Variants in PTPRD observed in about 807,000 individuals in gnomAD.
The protein encoded by PTPRD is protein tyrosine phosphatase receptor type D.
Under a neutral mutation model 214.5 loss-of-function variants are expected in PTPRD, and 34 were observed. That is an observed-to-expected ratio of 0.16 (90% confidence interval 0.12 to 0.21). The LOEUF is 0.21. Ranked by LOEUF, PTPRD falls within the 10% of genes least tolerant of loss-of-function variation. The probability of loss-of-function intolerance (pLI) is 1.00; values close to 1 mark genes in which losing one functional copy is unlikely to be tolerated. For synonymous variants in PTPRD, 1,128 were observed against 845.7 expected, an observed-to-expected ratio of 1.33 and a Z score of -5.79; for missense variants, 2,545 against 2,398.7, an observed-to-expected ratio of 1.06 and a Z score of -1.27.
At chr9:9,998,127 A>AAAAAAAAT in intron 4 of PTPRD, among the ~76,000 whole-genome samples, 1 of 55,190 alleles carries the variant, frequency 1.8e-5, no homozygotes, top group Middle Eastern at 0.011. Context: ...AAAAAAAAAA[A>AAAAAAAAT]AAATATATAT....
chr9:8,787,749 T>A (rs997943103), intron 11 of PTPRD, among the ~76,000 whole-genome samples: 2 of 152,132 alleles, frequency 1.3e-5, no homozygotes, highest in African/African-American at 4.8e-5. Flanking sequence ...GTCTCATAAC[T>A]ACATCTTTGC....
intron 3 of PTPRD, among the ~76,000 whole-genome samples, chr9:10,304,257 G>A (rs1430320898): frequency 6.6e-6 from 1 of 152,072 alleles, no homozygotes; most frequent in African/African-American, 2.4e-5. Context: ...CTGACGGAAT[G>A]TATCTCAAAA....
At chr9:8,618,069 G>C (rs2154297173) in intron 14 of PTPRD, among the ~76,000 whole-genome samples, 1 of 152,180 alleles carries the variant, frequency 6.6e-6, no homozygotes, top group African/African-American at 2.4e-5. Flanking sequence ...AGAACTGTGA[G>C]GATCTTCTCA....
At chr9:8,987,474 G>A (rs1320573285) in intron 11 of PTPRD, among the ~76,000 whole-genome samples, 1 of 152,128 alleles carries the variant, frequency 6.6e-6, no homozygotes, top group African/African-American at 2.4e-5. Context: ...AAAGACAATA[G>A]GTGGTGGTAA....
At chr9:10,153,884 C>T (rs1333370255) in intron 3 of PTPRD, among the ~76,000 whole-genome samples, 1 of 151,928 alleles carries the variant, frequency 6.6e-6, no homozygotes, top group Admixed American at 6.6e-5. Flanking sequence ...GCCAGTCTAC[C>T]ATTGATGGGC....
chr9:9,585,301 T>A (rs981942257), intron 7 of PTPRD, among the ~76,000 whole-genome samples: 1 of 152,076 alleles, frequency 6.6e-6, no homozygotes, highest in Non-Finnish European at 1.5e-5. Context: ...ATGAATATAT[T>A]TTCGGATCCT....
At chr9:9,943,348 T>C (rs1204038547) in intron 4 of PTPRD, among the ~76,000 whole-genome samples, 1 of 152,144 alleles carries the variant, frequency 6.6e-6, no homozygotes, top group Non-Finnish European at 1.5e-5. Flanking sequence ...TTAAAAGGGC[T>C]ATCATCACTC....
At chr9:9,910,022 T>C (rs2153825872) in intron 5 of PTPRD, among the ~76,000 whole-genome samples, 1 of 152,084 alleles carries the variant, frequency 6.6e-6, no homozygotes, top group East Asian at 1.9e-4. Flanking sequence ...ATGGTAAATA[T>C]ATGGTCTCTG....
intron 8 of PTPRD, among the ~76,000 whole-genome samples, chr9:9,409,492 G>A (rs2141829347): frequency 6.6e-6 from 1 of 152,024 alleles, no homozygotes; most frequent in East Asian, 1.9e-4. Context: ...ACTAATTCAA[G>A]ACCAGTAACA....
chr9:8,934,132 A>G (rs2098972604), intron 11 of PTPRD, among the ~76,000 whole-genome samples: 1 of 151,838 alleles, frequency 6.6e-6, no homozygotes, highest in Non-Finnish European at 1.5e-5. Flanking sequence ...AACTGATAAG[A>G]GAGAAAGAGA....
chr9:9,924,191 T>G (rs73402649), intron 5 of PTPRD, among the ~76,000 whole-genome samples: 2 of 151,942 alleles, frequency 1.3e-5, no homozygotes, highest in East Asian at 3.9e-4. Context: ...TTGGTGCACC[T>G]GTCCTAATTC....
At chr9:8,841,349 A>T (rs78513083) in intron 11 of PTPRD, among the ~76,000 whole-genome samples, 2,711 of 152,322 alleles carry the variant, frequency 0.018, 68 homozygotes, top group South Asian at 0.089. Context: ...TGAAAATGTC[A>T]CCAAGCATAG....
chr9:8,330,471 C>CCATAA (rs1839103093), intron 44 of PTPRD, among the ~76,000 whole-genome samples: 1 of 152,108 alleles, frequency 6.6e-6, no homozygotes, highest in Admixed American at 6.5e-5. Flanking sequence ...AACTAAACTC[C>CCATAA]CATAACGTCT....
intron 3 of PTPRD, among the ~76,000 whole-genome samples, chr9:10,151,143 A>G (rs1161184408): frequency 7.5e-6 from 1 of 133,122 alleles, no homozygotes; most frequent in Non-Finnish European, 1.6e-5. Flanking sequence ...TCACTGTAAC[A>G]TTTGCCTCTG....
chr9:9,331,301 T>C (rs1053773303), intron 9 of PTPRD, among the ~76,000 whole-genome samples: 2 of 152,090 alleles, frequency 1.3e-5, no homozygotes, highest in African/African-American at 4.8e-5. Context: ...TCCACCCCCA[T>C]TTCCAATTTA....
intron 3 of PTPRD, among the ~76,000 whole-genome samples, chr9:10,050,823 G>C (rs2097523289): frequency 6.6e-6 from 1 of 151,852 alleles, no homozygotes; most frequent in Non-Finnish European, 1.5e-5. Flanking sequence ...TGGGTGAGTT[G>C]TGGGTCTCCA....
At chr9:9,440,266 G>A (rs2382012) in intron 8 of PTPRD, among the ~76,000 whole-genome samples, 74,935 of 152,024 alleles carry the variant, frequency 0.49, 18,886 homozygotes, top group African/African-American at 0.58. Flanking sequence ...ATTTGTGTAC[G>A]CACAAGAAAT....
At chr9:10,133,826 T>C (rs2098921324) in intron 3 of PTPRD, among the ~76,000 whole-genome samples, 1 of 152,192 alleles carries the variant, frequency 6.6e-6, no homozygotes, top group South Asian at 2.1e-4. Flanking sequence ...GGAAAGATAG[T>C]ACTTGCATAA....
intron 2 of PTPRD, among the ~76,000 whole-genome samples, chr9:10,536,270 T>G (rs564983106): frequency 2.0e-5 from 3 of 152,260 alleles, no homozygotes; most frequent in East Asian, 1.9e-4. Context: ...TGTGCACAGA[T>G]AGTGAACATT....
Sources: allele counts gnomAD v4.1 joint callset (sites outside exome capture counted in the v4.1 genomes callset), GRCh38; gene constraint gnomAD v4.1.1; transcripts MANE v1.5; gene names NCBI Gene and HGNC (gene_info 2026-07-23, HGNC 2026-07-21).